Variants in TSPAN14 observed in about 807,000 individuals in gnomAD.
TSPAN14 encodes tetraspanin 14.
A neutral mutation model predicts 36.6 loss-of-function variants in TSPAN14; 16 were observed. The ratio of observed to expected loss-of-function variants is 0.44; its 90% confidence interval spans 0.30 to 0.66. The LOEUF (loss-of-function observed/expected upper bound fraction) is 0.66, where lower values mean the gene tolerates loss of function less well. Ranked by LOEUF, TSPAN14 falls within the 30% of genes least tolerant of loss-of-function variation. TSPAN14 has a pLI of 0.12. For missense variants in TSPAN14, 231 were observed against 355.1 expected (o/e 0.65, Z 2.81); for synonymous variants, 139 against 143.8 (o/e 0.97, Z 0.24).
At chr10:80,459,419 C>T (rs1845873959) in intron 1 of TSPAN14, 1 of 152,662 alleles carries the variant, frequency 6.6e-6, no homozygotes, top group African/African-American at 2.4e-5. Context: ...GGAACTGGCT[C>T]CTCCCTCCTT....
At chr10:80,508,462 C>T (rs917914998) in intron 4 of TSPAN14, among the ~76,000 whole-genome samples, 6 of 152,072 alleles carry the variant, frequency 3.9e-5, no homozygotes, top group East Asian at 1.9e-4. Flanking sequence ...CCAAATTGGC[C>T]GGTTGTGGCA....
In TSPAN14 at chr10:80,512,404, C is replaced by T. The variant is rs550486375; in HGVS notation, c.576+135C>T. Reference sequence around the variant, plus strand: ...GCAGGTGTGCTTTCTCCACACCCTCCTCAAGGCTGCCTCAGCTCTGAAATC... The same window carrying T: ...GCAGGTGTGCTTTCTCCACACCCTCTTCAAGGCTGCCTCAGCTCTGAAATC... On this transcript the variant is annotated intron_variant, in intron 6 of 8. Transcript: ENST00000429989. The T allele has an allele frequency of 6.3e-5, 82 of 1,294,438 alleles. No individual in the cohort carries two copies. In the African/African-American group the frequency reaches 1.2e-3, roughly 19 times the overall value. 80.2% of individuals were successfully genotyped at this position (1,294,438 alleles called of 1,614,324 possible). A position where few individuals can be genotyped will look rare whatever the true frequency, so the allele number is the denominator to read the frequency against.
intron 1 of TSPAN14, among the ~76,000 whole-genome samples, chr10:80,461,462 A>G (rs1307182786): frequency 2.0e-5 from 3 of 152,104 alleles, no homozygotes; most frequent in African/African-American, 7.2e-5. Flanking sequence ...AATACAAGTG[A>G]TGGTATAAAC....
At chr10:80,507,197 A>G (rs1364240599) in intron 3 of TSPAN14, 31 bp from the exon 4 acceptor site, 14 of 1,613,830 alleles carry the variant, frequency 8.7e-6, no homozygotes, top group African/African-American at 4.0e-5. Context: ...CTTCTGGGCC[A>G]GTGCTGCCCT....
intron 1 of TSPAN14, among the ~76,000 whole-genome samples, chr10:80,484,448 C>T (rs562942791): frequency 2.1e-4 from 32 of 152,170 alleles, no homozygotes; most frequent in African/African-American, 6.7e-4. Flanking sequence ...CCTCAGCCTC[C>T]CACGTAGCTG....
At chr10:80,503,814 CT>C (rs1242480581) in intron 2 of TSPAN14, among the ~76,000 whole-genome samples, 1 of 152,048 alleles carries the variant, frequency 6.6e-6, no homozygotes, top group Non-Finnish European at 1.5e-5. Flanking sequence ...AAGCGTGGTC[CT>C]GTTATTTATC....
At chr10:80,472,257 T>G (rs958319559) in intron 1 of TSPAN14, among the ~76,000 whole-genome samples, 8 of 152,200 alleles carry the variant, frequency 5.3e-5, no homozygotes, top group Non-Finnish European at 8.8e-5. Flanking sequence ...AGCCAGTTAT[T>G]TTGTAGTATC....
intron 1 of TSPAN14, among the ~76,000 whole-genome samples, chr10:80,480,058 G>T (rs529513070): frequency 7.7e-4 from 115 of 148,874 alleles, no homozygotes; most frequent in South Asian, 4.0e-3. Flanking sequence ...TGAAGCAATT[G>T]TGAATGGGAG....
At chr10:80,502,028 G>T (rs1185656986) in intron 2 of TSPAN14, among the ~76,000 whole-genome samples, 2 of 152,240 alleles carry the variant, frequency 1.3e-5, no homozygotes, top group African/African-American at 4.8e-5. Flanking sequence ...ATCAACAGAG[G>T]AGGTCACACA....
In TSPAN14 at chr10:80,509,710, G is replaced by A. The variant is rs958907290; in HGVS notation, c.450+239G>A. ...TGGGCAGGCAAGTCCAGCTGTACCCGAGGCCACCCACCCCCCACGTGCCCG... is the reference window on the plus strand; with the variant it reads ...TGGGCAGGCAAGTCCAGCTGTACCCAAGGCCACCCACCCCCCACGTGCCCG... On this transcript the variant is annotated intron_variant, in intron 5 of 8. Coordinates refer to ENST00000429989, the Ensembl canonical transcript of TSPAN14. The surrounding 1 kb of genome is among the most constrained non-coding windows in gnomAD (Gnocchi z 4.7). 4.8e-5 allele frequency: 24 copies of A among 500,434 alleles called. No individual in the cohort carries two copies. The highest frequency in any genetic ancestry group is 2.7e-4 in the South Asian group (11 of 41,134). The allele number at this position is 500,434 out of a possible 1,614,324, so 31.0% of individuals were successfully genotyped here. A position where few individuals can be genotyped will look rare whatever the true frequency, so the allele number is the denominator to read the frequency against.
rs546771251 is a variant in TSPAN14, at chr10:80,516,901, G to A, written c.741+578G>A. ...AGGCTGTGCTTGTTCATTTGAACCA[G>A]GTTGCACATGTGGGAGGATGTTGGT... On this transcript the variant is annotated intron_variant, in intron 8 of 8. Coordinates refer to ENST00000429989, the Ensembl canonical transcript of TSPAN14. Among the ~76,000 whole-genome samples, 6 of 152,356 alleles carry A rather than the reference G, an allele frequency of 3.9e-5. No homozygotes were observed. The South Asian group carries it at 1.2e-3, about 32-fold the overall frequency.
chr10:80,504,747 T>C (rs1485007324), exon 3 of TSPAN14: 1 of 1,614,170 alleles, frequency 6.2e-7, no homozygotes, highest in Admixed American at 1.7e-5. Context: ...GTTGTCTTCC[T>C]TGGAGTCGGG....
chr10:80,455,662 G>C (rs1341741266), intron 1 of TSPAN14, among the ~76,000 whole-genome samples: 1 of 152,142 alleles, frequency 6.6e-6, no homozygotes, highest in African/African-American at 2.4e-5. Context: ...ATTTCAGCTA[G>C]CCGAGTGGTT....
chr10:80,464,185 G>T, intron 1 of TSPAN14, among the ~76,000 whole-genome samples: 1 of 152,172 alleles, frequency 6.6e-6, no homozygotes, highest in East Asian at 1.9e-4. Context: ...AGATTTTCCC[G>T]CAGTGTCAGG....
intron 1 of TSPAN14, among the ~76,000 whole-genome samples, chr10:80,480,244 G>A (rs1847179177): frequency 6.6e-6 from 1 of 151,154 alleles, no homozygotes; most frequent in Non-Finnish European, 1.5e-5. Context: ...TGCAAACAGG[G>A]ACAATTTGAC....
chr10:80,484,994 G>C (rs1354963488), intron 1 of TSPAN14, among the ~76,000 whole-genome samples: 1 of 152,088 alleles, frequency 6.6e-6, no homozygotes, highest in Non-Finnish European at 1.5e-5. Context: ...TTGAGAAGTT[G>C]GTATTTTGAT....
chr10:80,477,622 G>A (rs970779804), intron 1 of TSPAN14, among the ~76,000 whole-genome samples: 1 of 152,176 alleles, frequency 6.6e-6, no homozygotes, highest in South Asian at 2.1e-4. Flanking sequence ...AGAGGTTGCT[G>A]AGTACAAGAA....
chr10:80,514,143 T>G, intron 7 of TSPAN14, 80 bp downstream of exon 7: 1 of 1,370,998 alleles, frequency 7.3e-7, no homozygotes, highest in Non-Finnish European at 1.0e-6. Context: ...TTAGCACGAG[T>G]GCAAATTGAA....
rs1442966551 is a variant in TSPAN14, at chr10:80,509,064, TA to T, written c.280-236del. Among the ~76,000 whole-genome samples, 3 of 152,210 alleles carry T rather than the reference TA, an allele frequency of 2.0e-5. No homozygotes were observed. Among genetic ancestry groups the T allele is most frequent in the Non-Finnish European group, 4.4e-5 (3 of 68,038 alleles). On this transcript the variant is annotated intron_variant, in intron 4 of 8. Transcript: ENST00000429989. The surrounding 1 kb of genome is among the most constrained non-coding windows in gnomAD (Gnocchi z 4.7). The stretch of plus-strand genomic sequence containing the variant: ...CACACTTTTTCACGCATTTGAGTGT[TA>T]TCAGCAATGCAGTGACATGGGTAGG...
Sources: allele counts gnomAD v4.1 joint callset (sites outside exome capture counted in the v4.1 genomes callset), GRCh38; gene constraint gnomAD v4.1.1; non-coding constraint Gnocchi (gnomAD v3.1); transcripts MANE v1.5; gene names NCBI Gene and HGNC (gene_info 2026-07-23, HGNC 2026-07-21).